The following KAZN variants were observed in gnomAD, a reference collection of about 807,000 sequenced individuals.
The protein encoded by KAZN is kazrin.
In KAZN, 40 loss-of-function variants were observed where a neutral mutation model predicts 87.4. The ratio of observed to expected loss-of-function variants is 0.46; its 90% CI spans 0.36 to 0.60. The LOEUF (loss-of-function observed/expected upper bound fraction) is 0.60, where lower values mean the gene tolerates loss of function less well. Among genes scored for constraint, KAZN ranks in the 20% least tolerant of loss-of-function variants. KAZN has a pLI of 0.00. For synonymous variants in KAZN, 466 were observed against 458.3 expected, an observed-to-expected ratio of 1.02 and a Z score of -0.22; for missense variants, 898 against 1,073.9, an observed-to-expected ratio of 0.84 and a Z score of 2.29.
intron 2 of KAZN, among the ~76,000 whole-genome samples, chr1:14,465,373 T>C (rs1038818231): frequency 2.5e-5 from 3 of 119,318 alleles, no homozygotes; most frequent in Non-Finnish European, 4.8e-5. Flanking sequence ...CACTCCAGCC[T>C]GGGCAACAGA....
chr1:14,235,728 G>T (rs906723127), intron 2 of KAZN, among the ~76,000 whole-genome samples: 11 of 152,238 alleles, frequency 7.2e-5, no homozygotes, highest in African/African-American at 2.7e-4. Flanking sequence ...GTCAGTCACA[G>T]TAAAGTCTGA....
intron 1 of KAZN, among the ~76,000 whole-genome samples, chr1:13,927,047 C>T (rs1299225446): frequency 2.6e-5 from 4 of 152,206 alleles, no homozygotes; most frequent in Admixed American, 6.5e-5. Flanking sequence ...GTCATTGTAG[C>T]GTGGCAGCTA....
chr1:14,134,783 A>C (rs1017127318), intron 1 of KAZN, among the ~76,000 whole-genome samples: 2 of 151,904 alleles, frequency 1.3e-5, no homozygotes, highest in African/African-American at 4.8e-5. Flanking sequence ...CCTCCTCCCC[A>C]TTTTTCTCTG....
intron 1 of KAZN, among the ~76,000 whole-genome samples, chr1:14,663,323 T>G (rs1639313475): frequency 6.6e-6 from 1 of 152,048 alleles, no homozygotes; most frequent in Non-Finnish European, 1.5e-5. Context: ...TATTTGCACA[T>G]GATGAAACTG....
intron 2 of KAZN, among the ~76,000 whole-genome samples, chr1:14,453,225 G>C (rs984844559): frequency 6.6e-6 from 1 of 152,056 alleles, no homozygotes; most frequent in East Asian, 1.9e-4. Flanking sequence ...AAAGTGCTGG[G>C]ATTACAGGCG....
chr1:14,024,805 C>T (rs952160480), intron 1 of KAZN, among the ~76,000 whole-genome samples: 1 of 152,190 alleles, frequency 6.6e-6, no homozygotes. Flanking sequence ...TTAGAATAAA[C>T]TAGAGAATGC....
At chr1:14,335,478 C>T (rs977050848) in intron 2 of KAZN, among the ~76,000 whole-genome samples, 3 of 152,092 alleles carry the variant, frequency 2.0e-5, no homozygotes, top group African/African-American at 7.2e-5. Context: ...GCTAGGATTA[C>T]AGGCATGAGC....
chr1:14,676,837 T>G (rs1640251038), intron 1 of KAZN, among the ~76,000 whole-genome samples: 1 of 152,110 alleles, frequency 6.6e-6, no homozygotes, highest in Admixed American at 6.5e-5. Flanking sequence ...GGATAGAGTT[T>G]CTTTTGGGGC....
chr1:14,370,803 G>A (rs1660417312), intron 2 of KAZN, among the ~76,000 whole-genome samples: 1 of 152,182 alleles, frequency 6.6e-6, no homozygotes, highest in Non-Finnish European at 1.5e-5. Flanking sequence ...TCTTACCTCA[G>A]CCTTCTGAGT....
chr1:14,727,837 C>T (rs974506453), intron 1 of KAZN, among the ~76,000 whole-genome samples: 16 of 150,792 alleles, frequency 1.1e-4, no homozygotes, highest in African/African-American at 2.4e-4. Context: ...GTGTAGAATT[C>T]GTGGGAGCCC....
At chr1:15,009,032 G>A (rs2102067170) in intron 2 of KAZN, among the ~76,000 whole-genome samples, 1 of 152,328 alleles carries the variant, frequency 6.6e-6, no homozygotes, top group East Asian at 1.9e-4. Flanking sequence ...GTGCTGAGTT[G>A]GCAGTTTTGC....
chr1:14,268,476 A>AAAAAC (rs1228214413), intron 2 of KAZN, among the ~76,000 whole-genome samples: 2 of 151,922 alleles, frequency 1.3e-5, no homozygotes, highest in African/African-American at 4.8e-5. Flanking sequence ...TGTGTTAAAA[A>AAAAAC]AAAAAAAAAG....
chr1:14,395,485 C>T (rs1662818944), intron 2 of KAZN, among the ~76,000 whole-genome samples: 1 of 152,112 alleles, frequency 6.6e-6, no homozygotes, highest in Admixed American at 6.5e-5. Context: ...ACCAGTGGCT[C>T]CTGGAATCAC....
intron 1 of KAZN, among the ~76,000 whole-genome samples, chr1:14,642,380 A>G (rs1213580296): frequency 1.3e-5 from 2 of 152,228 alleles, no homozygotes; most frequent in Non-Finnish European, 2.9e-5. Flanking sequence ...AGCCTGGGTG[A>G]CAGAGTGAGA....
chr1:14,772,442 C>T (rs779167600), intron 1 of KAZN, among the ~76,000 whole-genome samples: 5 of 151,732 alleles, frequency 3.3e-5, no homozygotes, highest in Non-Finnish European at 5.9e-5. Flanking sequence ...TATGACTGCA[C>T]CATGACATTC....
intron 1 of KAZN, among the ~76,000 whole-genome samples, chr1:13,986,715 T>C (rs1301878600): frequency 6.6e-6 from 1 of 152,154 alleles, no homozygotes. Context: ...AGGCTAGAGA[T>C]CCAGGCTTTC....
intron 2 of KAZN, among the ~76,000 whole-genome samples, chr1:14,299,622 G>T (rs1161319159): frequency 6.6e-6 from 1 of 152,192 alleles, no homozygotes; most frequent in Non-Finnish European, 1.5e-5. Flanking sequence ...TGCAACAGCA[G>T]ATGTCGCACC....
At chr1:15,020,322 G>C (rs944900111) in intron 2 of KAZN, among the ~76,000 whole-genome samples, 2 of 152,140 alleles carry the variant, frequency 1.3e-5, no homozygotes, top group Non-Finnish European at 2.9e-5. Flanking sequence ...TGAATCTCAA[G>C]TTTATATCTT....
intron 1 of KAZN, among the ~76,000 whole-genome samples, chr1:14,827,008 G>A (rs1646909595): frequency 6.6e-6 from 1 of 152,176 alleles, no homozygotes; most frequent in Admixed American, 6.5e-5. Flanking sequence ...CCACCTATTG[G>A]AGCTGCCGTG....
Sources: gnomAD v4.1 joint callset for allele counts (sites outside exome capture counted in the v4.1 genomes callset) on GRCh38, gnomAD v4.1.1 for gene constraint, MANE v1.5 for transcripts, NCBI Gene and HGNC (gene_info 2026-07-23, HGNC 2026-07-21) for gene names.